FDPS: variants seen among roughly 807,000 people sequenced by gnomAD.
FDPS encodes farnesyl diphosphate synthase.
FDPS carries 29 observed loss-of-function variants against 49.5 expected under a neutral mutation model. The observed-to-expected ratio is 0.59, with a 90% CI of 0.44 to 0.80. The LOEUF is 0.80. Among genes scored for constraint, FDPS ranks in the 30% least tolerant of loss-of-function variants. The probability of loss-of-function intolerance (pLI) is 0.00; values close to 1 mark genes in which losing one functional copy is unlikely to be tolerated. For missense variants in FDPS, 414 were observed against 525.6 expected, an observed-to-expected ratio of 0.79 and a Z score of 2.08; for synonymous variants, 172 against 206.4, an observed-to-expected ratio of 0.83 and a Z score of 1.43.
chr1:155,316,919 CT>C (rs773593640), intron 4 of FDPS: 1 of 152,188 alleles, frequency 6.6e-6, no homozygotes, highest in Non-Finnish European at 1.5e-5. Flanking sequence ...GAAACTCTCA[CT>C]CCAGGCCTAA....
rs997334955 is a variant in FDPS at position 155,312,179 on chromosome 1, G to A, written c.340-76G>A. ...TAAAGTTAGGTGGTGGTTGGAAATG[G>A]GAGAGAGCAAGGAGAAAACTCACAG... On this transcript the variant is annotated intron_variant, in intron 3 of 10. Coordinates refer to ENST00000368356, the MANE Select transcript of FDPS (RefSeq NM_002004.4). 2.6e-6 allele frequency: 4 copies of A among 1,550,076 alleles called. No individual in the cohort carries two copies. The African/African-American group carries it at 5.4e-5, about 21-fold the overall frequency.
chr1:155,311,897 C>T (rs1465201879), intron 3 of FDPS, among the ~76,000 whole-genome samples: 2 of 151,626 alleles, frequency 1.3e-5, no homozygotes, highest in Non-Finnish European at 2.9e-5. Flanking sequence ...TTCATGAACC[C>T]GGAGACAGAG....
intron 4 of FDPS, 39 bp downstream of exon 4, chr1:155,312,434 A>C: frequency 1.8e-6 from 2 of 1,126,522 alleles, no homozygotes; most frequent in Non-Finnish European, 1.3e-6. Context: ...GTTTCCTGCA[A>C]TGGTGGTGAC....
Position 155,319,599 on chromosome 1 carries a change from C to T in FDPS, c.847-12C>T, listed in dbSNP as rs1423217995. 1 of 1,613,662 alleles carries T rather than the reference C, an allele frequency of 6.2e-7. No individual in the cohort carries two copies. Among genetic ancestry groups the T allele is most frequent in the Admixed American group, 1.7e-5 (1 of 60,014 alleles). ...CCTGGGGTTTGGCTTATTAACCCCC[C>T]TTTCCCTGCAGGCAGGAATTGATGG... On this transcript the variant is annotated splice_polypyrimidine_tract_variant and intron_variant, in intron 8 of 10. Coordinates refer to ENST00000368356, the MANE Select transcript of FDPS (RefSeq NM_002004.4).
chr1:155,320,105 C>A, intron 10 of FDPS, 177 bp downstream of exon 10: 1 of 755,792 alleles, frequency 1.3e-6, no homozygotes, highest in Non-Finnish European at 2.1e-6. Context: ...TTGGCAGGAG[C>A]CAAAGATGTT....
At chr1:155,310,313 CTTT>C (rs35556344) in intron 3 of FDPS, 108 bp downstream of exon 3, 387 of 697,208 alleles carry the variant, frequency 5.6e-4, no homozygotes, top group Non-Finnish European at 7.1e-4. Context: ...TGAGAGAAAG[CTTT>C]TTTTTTTTTT....
At position 155,310,294 on chromosome 1, in the gene FDPS, T is replaced by G; in HGVS notation, c.339+89T>G. On this transcript the variant is annotated intron_variant, in intron 3 of 10. Coordinates refer to ENST00000368356, the MANE Select transcript of FDPS (RefSeq NM_002004.4). ...TCACCTGTGGCTTATGGGGGACTTTTGACAGATGTGAGAGAAAGCTTTTTT... is the reference window on the plus strand; with the variant it reads ...TCACCTGTGGCTTATGGGGGACTTTGGACAGATGTGAGAGAAAGCTTTTTT... 5.6e-6 allele frequency: 7 copies of G among 1,255,178 alleles called. 1 individual carries two copies. In the South Asian group the frequency reaches 9.2e-5, roughly 17 times the overall value. The allele number at this position is 1,255,178 out of a possible 1,614,324, so 77.8% of individuals were successfully genotyped here.
chr1:155,319,041 G>C (rs1346503704), intron 8 of FDPS, 113 bp downstream of exon 8: 1 of 777,902 alleles, frequency 1.3e-6, no homozygotes, highest in Non-Finnish European at 2.2e-6. Context: ...GTGTGACCTT[G>C]AGCAAGTCGG....
chr1:155,311,241 A>G (rs1444167495), intron 3 of FDPS, among the ~76,000 whole-genome samples: 1 of 152,204 alleles, frequency 6.6e-6, no homozygotes, highest in African/African-American at 2.4e-5. Context: ...CAGGAGGCTG[A>G]GGCAGGAGAA....
chr1:155,311,994 A>G (rs1028896621), intron 3 of FDPS, among the ~76,000 whole-genome samples: 4 of 152,106 alleles, frequency 2.6e-5, no homozygotes, highest in Admixed American at 6.6e-5. Context: ...AAATAAATAA[A>G]TAAATAAAAA....
At chr1:155,320,084 C>G (rs1332889418) in intron 10 of FDPS, 156 bp downstream of exon 10, 1 of 864,596 alleles carries the variant, frequency 1.2e-6, no homozygotes, top group Admixed American at 2.7e-5. Context: ...GCATGTGGTA[C>G]AGACATCTAG....
At chr1:155,314,162 C>T (rs1360868457) in intron 4 of FDPS, among the ~76,000 whole-genome samples, 4 of 150,212 alleles carry the variant, frequency 2.7e-5, no homozygotes, top group Non-Finnish European at 4.4e-5. Context: ...ACCCTAGTTT[C>T]ACCTGTAAGT....
chr1:155,318,910 A>T lies in FDPS; in HGVS notation c.828A>T (p.Ile276=). 6.2e-7 allele frequency: 1 copy of T among 1,613,224 alleles called. No homozygotes were observed. The highest frequency in any genetic ancestry group is 2.2e-5 in the East Asian group (1 of 44,886). Residue 276 remains isoleucine, a synonymous_variant, in exon 8 of 11, where the codon ATA becomes ATT. Transcript: ENST00000368356. This position sits in a 1 kb window ranked among gnomAD's most constrained non-coding sequence, Gnocchi z 4.2. ...KTAFYSFYLP[I]AAAMYMAGID... is the part of the protein sequence containing the mutation. The stretch of plus-strand genomic sequence containing the variant: ...CTTTCTACTCCTTCTACCTTCCTAT[A>T]GCTGCAGCCATGTACATGGTGAGTG...
In FDPS at chr1:155,318,781, C is replaced by G; in HGVS notation, c.773+28C>G. 2.5e-6 allele frequency: 4 copies of G among 1,597,732 alleles called. No individual in the cohort carries two copies. Among genetic ancestry groups the G allele is most frequent in the Non-Finnish European group, 3.4e-6 (4 of 1,165,252 alleles). ...GAGGGGAGGTGAGGGACAGCGCGAA[C>G]CATGTCTGGACAGCGAGGGAGGGCT... On this transcript the variant is annotated intron_variant, in intron 7 of 10. Coordinates refer to ENST00000368356, the MANE Select transcript of FDPS (RefSeq NM_002004.4). The surrounding 1 kb of genome is among the most constrained non-coding windows in gnomAD (Gnocchi z 4.2).
In FDPS at chr1:155,310,221, C is replaced by T; in HGVS notation, c.339+16C>T. 3 of 1,613,058 alleles carry T rather than the reference C, an allele frequency of 1.9e-6. No individual in the cohort carries two copies. The highest frequency in any genetic ancestry group is 1.7e-4 in the Middle Eastern group (1 of 6,054). ...GCTCAAGGAGGTGAGGGATTCATGA[C>T]TTGGGGGAGTAAGGCTTTGGTTCAG... is the stretch of plus-strand genomic sequence containing the variant. On this transcript the variant is annotated intron_variant, in intron 3 of 10. Transcript: ENST00000368356.
At position 155,318,628 on chromosome 1, in the gene FDPS, GA is replaced by G. The variant is rs1451889515; in HGVS notation, c.685-34del. On this transcript the variant is annotated intron_variant, in intron 6 of 10. Transcript: ENST00000368356. This position sits in a 1 kb window ranked among gnomAD's most constrained non-coding sequence, Gnocchi z 4.2. ...GATACCAGGGTTTCGCATATCTGGAGAAAGCCTGGCTCATGGACCGTCTTTG... is the reference window on the plus strand; with the variant it reads ...GATACCAGGGTTTCGCATATCTGGAGAAGCCTGGCTCATGGACCGTCTTTG... The G allele has an allele frequency of 2.7e-6, 4 of 1,502,076 alleles. No individual in the cohort carries two copies. The highest frequency in any genetic ancestry group is 3.7e-6 in the Non-Finnish European group (4 of 1,078,168). The allele number at this position is 1,502,076 out of a possible 1,614,324, so 93.0% of individuals were successfully genotyped here. A position where few individuals can be genotyped will look rare whatever the true frequency, so the allele number is the denominator to read the frequency against.
At chr1:155,311,789 A>G (rs1415054890) in intron 3 of FDPS, among the ~76,000 whole-genome samples, 2 of 152,192 alleles carry the variant, frequency 1.3e-5, no homozygotes, top group South Asian at 2.1e-4. Flanking sequence ...CCTAGCCAAC[A>G]TGGTGAAACT....
intron 4 of FDPS, among the ~76,000 whole-genome samples, chr1:155,313,963 C>A (rs1289081338): frequency 1.3e-5 from 2 of 151,840 alleles, no homozygotes; most frequent in Non-Finnish European, 2.9e-5. Context: ...GGATTATAGG[C>A]ACATGCCACC....
At chr1:155,309,690 C>T (rs1572074282) in intron 1 of FDPS, 99 bp from the exon 2 acceptor site, 5 of 1,103,094 alleles carry the variant, frequency 4.5e-6, no homozygotes, top group Middle Eastern at 3.1e-4. Context: ...TGGGCTAAGG[C>T]TGGGGTGGGA....
Sources: allele counts gnomAD v4.1 joint callset (sites outside exome capture counted in the v4.1 genomes callset), GRCh38; gene constraint gnomAD v4.1.1; non-coding constraint Gnocchi (gnomAD v3.1); transcripts MANE v1.5; gene names NCBI Gene and HGNC (gene_info 2026-07-23, HGNC 2026-07-21).